Variants in NFATC3 observed in about 807,000 individuals in gnomAD.
The protein encoded by NFATC3 is nuclear factor of activated T-cells, cytoplasmic 3.
In NFATC3, 46 loss-of-function variants were observed where a neutral mutation model predicts 98.6. The ratio of observed to expected loss-of-function variants is 0.47; its 90% CI spans 0.37 to 0.60. NFATC3 has a LOEUF of 0.60. Ranked by LOEUF, NFATC3 falls within the 20% of genes least tolerant of loss-of-function variation. The probability of loss-of-function intolerance (pLI) is 0.00; values close to 1 mark genes in which losing one functional copy is unlikely to be tolerated. For synonymous variants in NFATC3, 512 were observed against 472.2 expected, an observed-to-expected ratio of 1.08 and a Z score of -1.09; for missense variants, 1,256 against 1,295.5, an observed-to-expected ratio of 0.97 and a Z score of 0.47.
At chr16:68,167,166 T>G in intron 5 of NFATC3, 151 bp downstream of exon 5, 1 of 763,664 alleles carries the variant, frequency 1.3e-6, no homozygotes, top group South Asian at 2.0e-5. Flanking sequence ...TGAGCTAACA[T>G]GTTTGGGTGG....
chr16:68,195,635 C>G (rs746565604), intron 9 of NFATC3, among the ~76,000 whole-genome samples: 4 of 151,848 alleles, frequency 2.6e-5, no homozygotes, highest in African/African-American at 4.8e-5. Context: ...GGTGAAACCC[C>G]GTCTCTACTA....
chr16:68,109,227 T>TA (rs1276457407), intron 1 of NFATC3, among the ~76,000 whole-genome samples: 1 of 152,220 alleles, frequency 6.6e-6, no homozygotes, highest in Non-Finnish European at 1.5e-5. Context: ...AAATGGCTCT[T>TA]ATTATTTTGA....
At chr16:68,224,126 T>TAAAA (rs1174161190) in intron 9 of NFATC3, among the ~76,000 whole-genome samples, 1 of 72,490 alleles carries the variant, frequency 1.4e-5, no homozygotes, top group Non-Finnish European at 2.6e-5. Flanking sequence ...TGCACCAGTT[T>TAAAA]AAAAAAAAAA....
intron 4 of NFATC3, among the ~76,000 whole-genome samples, chr16:68,164,162 G>T (rs2039065087): frequency 6.6e-6 from 1 of 152,234 alleles, no homozygotes; most frequent in African/African-American, 2.4e-5. Context: ...CACCTCGGGA[G>T]GCCGAGGCTG....
chr16:68,204,753 T>G (rs979814525), intron 9 of NFATC3, among the ~76,000 whole-genome samples: 1 of 152,238 alleles, frequency 6.6e-6, no homozygotes, highest in Non-Finnish European at 1.5e-5. Flanking sequence ...TATTCTATTT[T>G]AAAATTGATA....
chr16:68,098,473 TG>T (rs537426114), intron 1 of NFATC3, among the ~76,000 whole-genome samples: 63 of 151,984 alleles, frequency 4.1e-4, no homozygotes, highest in African/African-American at 1.4e-3. Flanking sequence ...GGCTAATTTT[TG>T]TATTTTTAGT....
At chr16:68,176,034 G>T (rs917519063) in intron 6 of NFATC3, among the ~76,000 whole-genome samples, 3 of 150,344 alleles carry the variant, frequency 2.0e-5, no homozygotes, top group African/African-American at 7.3e-5. Flanking sequence ...GCTGGAGTGC[G>T]GTGGCACTAT....
chr16:68,112,067 C>G (rs534355291), intron 1 of NFATC3, among the ~76,000 whole-genome samples: 1 of 152,088 alleles, frequency 6.6e-6, no homozygotes, highest in East Asian at 1.9e-4. Flanking sequence ...TCATTTCAAC[C>G]TTGGAGAATC....
At chr16:68,197,981 A>G (rs921968420) in intron 9 of NFATC3, among the ~76,000 whole-genome samples, 4 of 152,200 alleles carry the variant, frequency 2.6e-5, no homozygotes, top group African/African-American at 7.2e-5. Context: ...TATAAATTCA[A>G]TGACATTTAC....
At chr16:68,130,076 C>T (rs2037040353) in intron 3 of NFATC3, among the ~76,000 whole-genome samples, 1 of 152,122 alleles carries the variant, frequency 6.6e-6, no homozygotes, top group South Asian at 2.1e-4. Flanking sequence ...ATTTTGGTTC[C>T]ATATCTTGGC....
intron 6 of NFATC3, among the ~76,000 whole-genome samples, chr16:68,175,072 A>G (rs550040530): frequency 3.3e-5 from 5 of 152,384 alleles, no homozygotes; most frequent in African/African-American, 9.6e-5. Flanking sequence ...ATATCCATAC[A>G]ATGGAATATT....
intron 4 of NFATC3, among the ~76,000 whole-genome samples, chr16:68,166,156 G>C (rs2039182680): frequency 1.3e-5 from 2 of 152,186 alleles, no homozygotes; most frequent in African/African-American, 2.4e-5. Context: ...TAGAATTAAA[G>C]AGTCTTTACT....
At chr16:68,101,480 T>C (rs1473860411) in intron 1 of NFATC3, among the ~76,000 whole-genome samples, 3 of 149,734 alleles carry the variant, frequency 2.0e-5, no homozygotes, top group Admixed American at 2.0e-4. Flanking sequence ...AGTTTTAGGT[T>C]TTTTTTTTTG....
At chr16:68,159,935 G>A (rs1187238234) in intron 4 of NFATC3, among the ~76,000 whole-genome samples, 2 of 151,818 alleles carry the variant, frequency 1.3e-5, no homozygotes, top group Non-Finnish European at 2.9e-5. Context: ...AAAATTACCT[G>A]GGTGTGGTGG....
In NFATC3 at chr16:68,183,252, C is replaced by T. The variant is rs1315112382; in HGVS notation, c.1984C>T (p.Leu662Phe). The stretch of plus-strand genomic sequence containing the variant: ...TTTCCATCCTTAGGCTCACATTGTC[C>T]TTGAAGTTCCTCCATATCATAACCC... ...REKCQGAHIVLEVPPYHNPAV... is the reference protein window; with the variant it reads ...REKCQGAHIVFEVPPYHNPAV... Residue 662 changes from leucine (L) to phenylalanine (F), a missense_variant, in exon 8 of 10, where the codon CTT becomes TTT. Around this residue, in one of 3 missense-constraint regions of NFATC3, gnomAD observed 636 missense variants for 617.3 expected, o/e 1.03. Transcript: ENST00000346183. 1 of 1,589,688 alleles carries T rather than the reference C, an allele frequency of 6.3e-7. No individual in the cohort carries two copies. The highest frequency in any genetic ancestry group is 1.4e-5 in the African/African-American group (1 of 73,382).
intron 9 of NFATC3, chr16:68,192,028 G>A (rs1387733028): frequency 5.1e-6 from 2 of 394,476 alleles, no homozygotes; most frequent in Non-Finnish European, 9.3e-6. Flanking sequence ...CCAACATGGT[G>A]TAACGCTGTC....
chr16:68,195,187 G>A (rs762397249), intron 9 of NFATC3, among the ~76,000 whole-genome samples: 5 of 152,006 alleles, frequency 3.3e-5, no homozygotes, highest in African/African-American at 4.8e-5. Flanking sequence ...CCTAGGAGGC[G>A]GAGGTTGCAG....
intron 3 of NFATC3, among the ~76,000 whole-genome samples, chr16:68,150,441 G>T (rs1019108203): frequency 1.3e-5 from 2 of 149,650 alleles, no homozygotes; most frequent in East Asian, 3.9e-4. Context: ...AAAAAGCTAG[G>T]TTTGGTGGCA....
chr16:68,169,825 C>T (rs2039375172), intron 5 of NFATC3, among the ~76,000 whole-genome samples: 2 of 152,038 alleles, frequency 1.3e-5, no homozygotes, highest in South Asian at 4.2e-4. Context: ...CCTGTAATCC[C>T]AGCTACTCCA....
Sources: gnomAD v4.1 joint callset for allele counts (sites outside exome capture counted in the v4.1 genomes callset) on GRCh38, gnomAD v4.1.1 for gene constraint, gnomAD v4.1.1 regional missense constraint, MANE v1.5 for transcripts, NCBI Gene and HGNC (gene_info 2026-07-23, HGNC 2026-07-21) for gene names.